MAPRE2: variants seen among roughly 807,000 people sequenced by gnomAD.
MAPRE2 encodes the protein microtubule associated protein RP/EB family member 2, also known as microtubule-associated protein RP/EB family member 2.
MAPRE2 carries 13 observed loss-of-function variants against 43.2 expected under a neutral mutation model. The observed-to-expected ratio is 0.30, with a 90% confidence interval of 0.20 to 0.48. MAPRE2 has a LOEUF of 0.48. Among genes scored for constraint, MAPRE2 ranks in the 20% least tolerant of loss-of-function variants. MAPRE2 has a pLI of 0.99. For synonymous variants in MAPRE2, 135 were observed against 148.8 expected (o/e 0.91, Z 0.68); for missense variants, 161 against 400.2 (o/e 0.40, Z 5.10).
At chr18:35,072,898 T>C (rs1247948632) in intron 2 of MAPRE2, among the ~76,000 whole-genome samples, 1 of 152,150 alleles carries the variant, frequency 6.6e-6, no homozygotes, top group East Asian at 1.9e-4. Flanking sequence ...ATGAAGTGGA[T>C]TTAAAGTTTC....
chr18:34,981,456 CTG>C (rs1315470866), intron 1 of MAPRE2, among the ~76,000 whole-genome samples: 1 of 152,008 alleles, frequency 6.6e-6, no homozygotes, highest in African/African-American at 2.4e-5. Flanking sequence ...ATACCTAGCT[CTG>C]TAATATTTAC....
chr18:35,054,146 A>C (rs1443340426), intron 1 of MAPRE2, among the ~76,000 whole-genome samples: 2 of 151,998 alleles, frequency 1.3e-5, no homozygotes, highest in African/African-American at 4.8e-5. Flanking sequence ...TTTGCTCCTG[A>C]CTTCTCTAAC....
chr18:34,989,512 C>T (rs756163977), intron 1 of MAPRE2, among the ~76,000 whole-genome samples: 1 of 152,128 alleles, frequency 6.6e-6, no homozygotes, highest in Non-Finnish European at 1.5e-5. Context: ...AAGTTCAAGA[C>T]CAGCCTGGGC....
chr18:35,117,311 C>T (rs186264115), intron 4 of MAPRE2, among the ~76,000 whole-genome samples: 4 of 152,304 alleles, frequency 2.6e-5, no homozygotes. Flanking sequence ...CAGACCGTGT[C>T]TCTCTTAGCC....
chr18:35,009,378 C>T (rs1217120592), intron 2 of MAPRE2, among the ~76,000 whole-genome samples: 8 of 152,134 alleles, frequency 5.3e-5, no homozygotes, highest in Non-Finnish European at 1.2e-4. Flanking sequence ...AGCATACTAT[C>T]TAATAGTGTA....
chr18:35,039,038 G>A (rs2097052201), upstream of MAPRE2, among the ~76,000 whole-genome samples: 1 of 152,186 alleles, frequency 6.6e-6, no homozygotes, highest in South Asian at 2.1e-4. Context: ...CACAAAATTA[G>A]TTGGTATGAT....
intron 2 of MAPRE2, among the ~76,000 whole-genome samples, chr18:35,020,613 G>C (rs1243983867): frequency 6.6e-6 from 1 of 151,508 alleles, no homozygotes; most frequent in Non-Finnish European, 1.5e-5. Context: ...TATTGCCTCT[G>C]ACCAGAAGCA....
intron 1 of MAPRE2, chr18:34,978,543 T>C: frequency 6.4e-7 from 1 of 1,551,652 alleles, no homozygotes; most frequent in African/African-American, 1.4e-5. Context: ...GATCAAAAGG[T>C]AATCTGAAGA....
intron 1 of MAPRE2, among the ~76,000 whole-genome samples, chr18:34,995,361 T>C (rs1025469940): frequency 1.3e-5 from 2 of 152,226 alleles, no homozygotes; most frequent in African/African-American, 2.4e-5. Context: ...ACTGGATATA[T>C]GTGTGGCAGC....
intron 1 of MAPRE2, among the ~76,000 whole-genome samples, chr18:34,991,340 T>C (rs1286988745): frequency 6.6e-6 from 1 of 152,170 alleles, no homozygotes; most frequent in Non-Finnish European, 1.5e-5. Context: ...GTTCGTTCAC[T>C]GAGCCTGTTT....
chr18:35,076,580 A>AG (rs556967913), intron 2 of MAPRE2, among the ~76,000 whole-genome samples: 17 of 152,130 alleles, frequency 1.1e-4, no homozygotes, highest in Non-Finnish European at 1.8e-4. Flanking sequence ...TCCCCAGGCT[A>AG]GGGGGGCCTT....
intron 1 of MAPRE2, among the ~76,000 whole-genome samples, chr18:34,982,408 C>T (rs1270343628): frequency 6.6e-6 from 1 of 152,200 alleles, no homozygotes; most frequent in Non-Finnish European, 1.5e-5. Context: ...TTACACTTGA[C>T]TGTCTCCCTC....
At chr18:35,096,965 A>G (rs1908454988) in intron 2 of MAPRE2, among the ~76,000 whole-genome samples, 1 of 152,182 alleles carries the variant, frequency 6.6e-6, no homozygotes, top group Non-Finnish European at 1.5e-5. Flanking sequence ...GCTTGAGCAT[A>G]TGTGTATTTT....
chr18:34,981,695 G>A (rs371244151), intron 1 of MAPRE2, among the ~76,000 whole-genome samples: 1 of 152,024 alleles, frequency 6.6e-6, no homozygotes, highest in Non-Finnish European at 1.5e-5. Flanking sequence ...CAATGCCAAG[G>A]CATTGACTCC....
At chr18:34,985,745 T>TATATGTAATATAGAAAATATATTAC (rs2097020632) in intron 1 of MAPRE2, among the ~76,000 whole-genome samples, 2 of 125,368 alleles carry the variant, frequency 1.6e-5, no homozygotes, top group Non-Finnish European at 3.2e-5. Context: ...ATATATATTA[T>TATATGTAATATAGAAAATATATTAC]ATATGTAATA....
chr18:35,047,099 T>C (rs1000957568), intron 1 of MAPRE2, among the ~76,000 whole-genome samples: 2 of 152,238 alleles, frequency 1.3e-5, no homozygotes, highest in African/African-American at 4.8e-5. Flanking sequence ...TAGAAGGTTA[T>C]CACCTTGGTG....
At chr18:35,117,710 T>C (rs1909476683) in intron 4 of MAPRE2, among the ~76,000 whole-genome samples, 2 of 152,082 alleles carry the variant, frequency 1.3e-5, no homozygotes, top group African/African-American at 4.8e-5. Flanking sequence ...CTGGGGTGAG[T>C]GAGCCTCACC....
intron 2 of MAPRE2, among the ~76,000 whole-genome samples, chr18:35,091,319 G>A (rs1407954800): frequency 6.6e-6 from 1 of 152,216 alleles, no homozygotes; most frequent in East Asian, 1.9e-4. Flanking sequence ...CAGGGTATGT[G>A]TATAAGGTGT....
At chr18:34,996,405 T>A (rs924204948) in intron 1 of MAPRE2, among the ~76,000 whole-genome samples, 1 of 152,134 alleles carries the variant, frequency 6.6e-6, no homozygotes, top group Non-Finnish European at 1.5e-5. Flanking sequence ...CGCACTCCTA[T>A]GAGAATCTAA....
Sources: allele counts gnomAD v4.1 joint callset (sites outside exome capture counted in the v4.1 genomes callset), GRCh38; gene constraint gnomAD v4.1.1; transcripts MANE v1.5; gene names NCBI Gene and HGNC (gene_info 2026-07-23, HGNC 2026-07-21).